HTR4: variants seen among roughly 807,000 people sequenced by gnomAD.
HTR4 encodes the protein 5-hydroxytryptamine receptor 4.
Under a neutral mutation model 36.8 loss-of-function variants are expected in HTR4, and 16 were observed. The ratio of observed to expected loss-of-function variants is 0.43; its 90% confidence interval spans 0.29 to 0.66. The LOEUF is 0.66. Among genes scored for constraint, HTR4 ranks in the 30% least tolerant of loss-of-function variants. The pLI is 0.13. For synonymous variants in HTR4, 189 were observed against 185.1 expected (o/e 1.02, Z -0.17); for missense variants, 438 against 490.9 (o/e 0.89, Z 1.02).
At chr5:148,626,952 C>T (rs1753132377) in intron 2 of HTR4, among the ~76,000 whole-genome samples, 1 of 152,220 alleles carries the variant, frequency 6.6e-6, no homozygotes, top group African/African-American at 2.4e-5. Context: ...ACTAAGTCCT[C>T]ATTCCCTATG....
rs1442080803 is a variant in HTR4, at chr5:148,523,300, T to C, written c.400A>G (p.Thr134Ala). Residue 134 changes from threonine (T) to alanine (A), a missense_variant, in exon 5 of 7, where the codon ACC becomes GCC. By Grantham distance (58) the Thr-to-Ala change is moderately conservative. Transcript: ENST00000377888. The part of the protein sequence containing the change: ...CQPLVYRNKM[T>A]PLRIALMLGG... ...AGCATTAATGCGATGCGCAGAGGGG[T>C]CATCTTGTTCCTATAGACCAAAGGC... 4 of 1,612,826 alleles carry C rather than the reference T, an allele frequency of 2.5e-6. No individual in the cohort carries two copies. Among genetic ancestry groups the C allele is most frequent in the Non-Finnish European group, 3.4e-6 (4 of 1,179,534 alleles).
intron 4 of HTR4, among the ~76,000 whole-genome samples, chr5:148,544,307 TTCTCTCTCTCTCCACC>T (rs1759271347): frequency 2.0e-5 from 3 of 149,014 alleles, no homozygotes; most frequent in Non-Finnish European, 4.5e-5. Flanking sequence ...CCACCTCTCT[TTCTCTCTCTCTCCACC>T]TCTCTTTCTC....
chr5:148,511,950 T>C (rs1310999590), intron 5 of HTR4, among the ~76,000 whole-genome samples: 3 of 152,344 alleles, frequency 2.0e-5, no homozygotes, highest in South Asian at 4.1e-4. Flanking sequence ...ATTTGTCTTA[T>C]GTTTTGTTAC....
Position 148,576,243 on chromosome 5 carries a change from A to G in HTR4, c.27-25981T>C, listed in dbSNP as rs115176451. ...ACAATTGCCACAAAAAGAATAAAATACCAGGAATATTACTTACCATGGAAG... is the reference window on the plus strand; with the variant it reads ...ACAATTGCCACAAAAAGAATAAAATGCCAGGAATATTACTTACCATGGAAG... On this transcript the variant is annotated intron_variant, in intron 2 of 6. Coordinates refer to ENST00000377888, the MANE Select transcript of HTR4 (RefSeq NM_000870.7). Among the ~76,000 whole-genome samples, 1,098 of 152,014 alleles carry G rather than the reference A, an allele frequency of 7.2e-3. 20 individuals carry two copies. Among genetic ancestry groups the G allele is most frequent in the African/African-American group, 0.025 (1,046 of 41,490 alleles).
intron 6 of HTR4, among the ~76,000 whole-genome samples, chr5:148,495,956 G>A (rs1756665411): frequency 6.6e-6 from 1 of 151,910 alleles, no homozygotes; most frequent in Admixed American, 6.6e-5. Context: ...CAAAAAATTA[G>A]CCGGGTTTGG....
In HTR4 at chr5:148,555,161, G is replaced by T. The variant is rs2113857331; in HGVS notation, c.27-4899C>A. 5.3e-5 allele frequency among the ~76,000 whole-genome samples: 8 copies of T among 152,154 alleles called. No individual in the cohort carries two copies. In the South Asian group the frequency reaches 1.5e-3, roughly 28 times the overall value. On this transcript the variant is annotated intron_variant, in intron 2 of 6. Transcript: ENST00000377888. ...GGGGCAGGCTGGCCTGGCTGTTTTA[G>T]GTCGCTTTTTTGTCTATGGACTGTG... is the stretch of plus-strand genomic sequence containing the variant.
chr5:148,577,401 C>A (rs1380791532), intron 2 of HTR4, among the ~76,000 whole-genome samples: 1 of 152,052 alleles, frequency 6.6e-6, no homozygotes, highest in African/African-American at 2.4e-5. Flanking sequence ...TTGTGGAAAG[C>A]AGTATAGTGA....
chr5:148,538,441 T>C (rs1758937265), intron 4 of HTR4, among the ~76,000 whole-genome samples: 1 of 152,118 alleles, frequency 6.6e-6, no homozygotes, highest in Admixed American at 6.6e-5. Context: ...CTATGCTTTT[T>C]TTTGAAGATA....
chr5:148,561,072 C>T (rs1367632157), intron 2 of HTR4, among the ~76,000 whole-genome samples: 1 of 151,720 alleles, frequency 6.6e-6, no homozygotes, highest in Non-Finnish European at 1.5e-5. Context: ...TTTTTGAAAA[C>T]CCTATAGACA....
intron 2 of HTR4, among the ~76,000 whole-genome samples, chr5:148,617,241 CTCTT>C (rs1752732074): frequency 6.6e-6 from 1 of 152,210 alleles, no homozygotes; most frequent in Admixed American, 6.5e-5. Context: ...ACTTCCCTCT[CTCTT>C]GCTCCTGCTT....
At chr5:148,457,105 T>G (rs1002455371) in intron 5 of HTR4, among the ~76,000 whole-genome samples, 5 of 152,050 alleles carry the variant, frequency 3.3e-5, no homozygotes, top group Non-Finnish European at 7.4e-5. Context: ...AGCCTGGCAT[T>G]ATCTGTAAAT....
intron 2 of HTR4, among the ~76,000 whole-genome samples, chr5:148,554,059 A>C (rs1759818294): frequency 1.3e-5 from 2 of 152,256 alleles, no homozygotes; most frequent in East Asian, 1.9e-4. Context: ...AAAAAGGAAT[A>C]AAGTTTGTTG....
intron 2 of HTR4, among the ~76,000 whole-genome samples, chr5:148,592,191 A>G (rs988200652): frequency 6.6e-6 from 1 of 152,142 alleles, no homozygotes; most frequent in Non-Finnish European, 1.5e-5. Context: ...ATAACTACTT[A>G]TGAATACAAA....
At chr5:148,637,701 C>T (rs547436214) in intron 1 of HTR4, among the ~76,000 whole-genome samples, 1 of 152,164 alleles carries the variant, frequency 6.6e-6, no homozygotes, top group Admixed American at 6.5e-5. Flanking sequence ...TCCTCTATCA[C>T]AGACCCTCAG....
At chr5:148,592,135 CA>C (rs144959188) in intron 2 of HTR4, among the ~76,000 whole-genome samples, 3 of 151,974 alleles carry the variant, frequency 2.0e-5, no homozygotes, top group African/African-American at 4.8e-5. Context: ...AACATAGGAA[CA>C]AAAAATCAAA....
intron 1 of HTR4, among the ~76,000 whole-genome samples, 174 bp from the exon 2 acceptor site, chr5:148,637,235 C>T (rs981802264): frequency 2.6e-5 from 4 of 152,034 alleles, no homozygotes; most frequent in Non-Finnish European, 5.9e-5. Context: ...ATGGTACAGC[C>T]GAGTGTCACA....
intron 2 of HTR4, among the ~76,000 whole-genome samples, chr5:148,591,008 T>C (rs1240679244): frequency 1.7e-4 from 26 of 152,186 alleles, no homozygotes; most frequent in Non-Finnish European, 5.9e-5. Context: ...TTTTTGTATA[T>C]GGTGTAAGGA....
At chr5:148,471,723 G>A (rs1363792219), downstream of HTR4, among the ~76,000 whole-genome samples, 1 of 151,962 alleles carries the variant, frequency 6.6e-6, no homozygotes, top group African/African-American at 2.4e-5. Flanking sequence ...ATTAAAGCAG[G>A]GATTTTAATT....
chr5:148,568,409 C>T (rs149017969), intron 2 of HTR4, among the ~76,000 whole-genome samples: 25 of 152,224 alleles, frequency 1.6e-4, no homozygotes, highest in Middle Eastern at 3.4e-3. Context: ...AATCAACTAA[C>T]GAACCAATCA....
Sources: gnomAD v4.1 joint callset for allele counts (sites outside exome capture counted in the v4.1 genomes callset) on GRCh38, gnomAD v4.1.1 for gene constraint, MANE v1.5 for transcripts, NCBI Gene and HGNC (gene_info 2026-07-23, HGNC 2026-07-21) for gene names.